Variants in PIAS1 observed in about 807,000 individuals in gnomAD.
PIAS1 encodes the protein protein inhibitor of activated STAT 1.
Under a neutral mutation model 71.3 loss-of-function variants are expected in PIAS1, and 6 were observed. That is an observed-to-expected ratio of 0.08 (90% CI 0.05 to 0.17). The LOEUF is 0.17. PIAS1 is among the 10% of genes least tolerant of loss of function. The pLI is 1.00. For missense variants in PIAS1, 555 were observed against 793.6 expected (o/e 0.70, Z 3.61); for synonymous variants, 303 against 292.9 (o/e 1.03, Z -0.35).
At chr15:68,159,666 G>GTAC (rs1276933838) in intron 7 of PIAS1, among the ~76,000 whole-genome samples, 8 of 152,048 alleles carry the variant, frequency 5.3e-5, no homozygotes, top group Non-Finnish European at 1.2e-4. Flanking sequence ...TTTCATTTAT[G>GTAC]TACTATAATT....
rs567041899 is a variant in PIAS1, at chr15:68,081,906, T to TA, written c.25-4388dup. 1.0e-3 allele frequency among the ~76,000 whole-genome samples: 143 copies of TA among 142,462 alleles called. No homozygotes were observed. In the South Asian group the frequency reaches 0.01, roughly 10 times the overall value. 93.5% of individuals were successfully genotyped at this position (142,462 alleles called of 152,430 possible). A position where few individuals can be genotyped will look rare whatever the true frequency, so the allele number is the denominator to read the frequency against. Reference sequence around the variant, plus strand: ...ATCGACAGTTATCAGTTTATGCAATTAAAAAAAAAAAAGACCAACCCCAAG... The same window carrying TA: ...ATCGACAGTTATCAGTTTATGCAATTAAAAAAAAAAAAAGACCAACCCCAAG... On this transcript the variant is annotated intron_variant, in intron 1 of 13. Transcript: ENST00000249636.
Position 68,192,308 on chromosome 15 carries a change from G to A in PIAS1, c.*4473G>A, listed in dbSNP as rs1047860077. The A allele has an allele frequency of 6.6e-6, 1 of 152,184 alleles. No individual in the cohort carries two copies. Among genetic ancestry groups the A allele is most frequent in the African/African-American group, 2.4e-5 (1 of 41,436 alleles). 9.4% of individuals were successfully genotyped at this position (152,184 alleles called of 1,614,324 possible). A position where few individuals can be genotyped will look rare whatever the true frequency, so the allele number is the denominator to read the frequency against. On this transcript the variant is annotated 3_prime_UTR_variant, in exon 14 of 14. Transcript: ENST00000249636. ...CTGGTGGATTTACCATGAAGGTAAT[G>A]AAGTTTAAGCACCAGGACCCTTCAC...
chr15:68,105,361 T>C (rs1051660735), intron 2 of PIAS1, among the ~76,000 whole-genome samples: 2 of 152,172 alleles, frequency 1.3e-5, no homozygotes, highest in African/African-American at 4.8e-5. Flanking sequence ...AATTTCCTTA[T>C]GCCTGTGTAG....
intron 1 of PIAS1, among the ~76,000 whole-genome samples, chr15:68,078,343 T>A (rs944873496): frequency 5.3e-5 from 8 of 152,214 alleles, no homozygotes; most frequent in Non-Finnish European, 1.0e-4. Flanking sequence ...TACATGTAGA[T>A]AAATCCTGCG....
At chr15:68,095,166 A>G (rs545182427) in intron 2 of PIAS1, among the ~76,000 whole-genome samples, 7 of 152,326 alleles carry the variant, frequency 4.6e-5, no homozygotes, top group African/African-American at 1.7e-4. Context: ...TTAGGGTCAG[A>G]AGTAAGTACA....
Position 68,187,736 on chromosome 15 carries a change from C to T in PIAS1, c.1857C>T (p.Asn619=), listed in dbSNP as rs374648523. 6.2e-7 allele frequency: 1 copy of T among 1,613,880 alleles called. No homozygotes were observed. Among genetic ancestry groups the T allele is most frequent in the Non-Finnish European group, 8.5e-7 (1 of 1,179,886 alleles). Residue 619 remains asparagine, a synonymous_variant, in exon 14 of 14, where the codon AAC becomes AAT. Coordinates refer to ENST00000249636, the MANE Select transcript of PIAS1 (RefSeq NM_016166.3). This position sits in a 1 kb window ranked among gnomAD's most constrained non-coding sequence, Gnocchi z 5.3. The part of the protein sequence containing the change: ...SGSNSSLVSS[N]SLRESHSHTV... Reference sequence around the variant, plus strand: ...GTAACAGCAGCCTGGTTTCTTCCAACAGCCTAAGGGAAAGCCATAGCCACA... The same window carrying T: ...GTAACAGCAGCCTGGTTTCTTCCAATAGCCTAAGGGAAAGCCATAGCCACA...
At chr15:68,097,681 C>T (rs150869969) in intron 2 of PIAS1, among the ~76,000 whole-genome samples, 4 of 152,304 alleles carry the variant, frequency 2.6e-5, no homozygotes, top group Non-Finnish European at 4.4e-5. Flanking sequence ...GATCTACCTG[C>T]CTCGGCCTCC....
At chr15:68,109,769 T>C (rs555422347) in intron 2 of PIAS1, among the ~76,000 whole-genome samples, 1 of 152,364 alleles carries the variant, frequency 6.6e-6, no homozygotes, top group South Asian at 2.1e-4. Context: ...GTTGGTCATA[T>C]GTTCCAAGTC....
intron 7 of PIAS1, among the ~76,000 whole-genome samples, chr15:68,162,600 C>T (rs541851759): frequency 6.7e-4 from 102 of 152,204 alleles, no homozygotes; most frequent in South Asian, 1.9e-3. Context: ...GGAGAACCAG[C>T]GAAGCCAGTA....
intron 1 of PIAS1, among the ~76,000 whole-genome samples, chr15:68,060,465 T>A (rs749108252): frequency 6.6e-6 from 1 of 151,846 alleles, no homozygotes; most frequent in Non-Finnish European, 1.5e-5. Context: ...ATACAAAAAT[T>A]AGCCGGGCGT....
intron 6 of PIAS1, 25 bp downstream of exon 6, chr15:68,146,725 G>T (rs1484616332): frequency 2.5e-6 from 4 of 1,586,632 alleles, no homozygotes; most frequent in Non-Finnish European, 3.5e-6. Flanking sequence ...GTTTCTACCA[G>T]ATTTTTGTAT....
rs764014692 is a variant in PIAS1, at chr15:68,145,885, T to C, written c.672T>C (p.Asn224=). The change falls in exon 5 of 14, where the codon AAT becomes AAC. Residue 224 remains asparagine, a synonymous_variant. Coordinates refer to ENST00000249636, the MANE Select transcript of PIAS1 (RefSeq NM_016166.3). ...HFPPNLCVKV[N]TKPCSLPGYL... ...CACCCAATCTTTGTGTGAAAGTGAA[T>C]ACAAAACCTTGCAGCCTTCCAGTAA... 3 of 1,609,666 alleles carry C rather than the reference T, an allele frequency of 1.9e-6. No individual in the cohort carries two copies. The highest frequency in any genetic ancestry group is 1.1e-5 in the South Asian group (1 of 90,972).
chr15:68,160,401 A>G (rs2092917157), intron 7 of PIAS1, among the ~76,000 whole-genome samples: 1 of 152,140 alleles, frequency 6.6e-6, no homozygotes, highest in Non-Finnish European at 1.5e-5. Flanking sequence ...TGGCACCTTT[A>G]TCAAAAACCA....
At chr15:68,176,119 T>C (rs956367583) in intron 10 of PIAS1, among the ~76,000 whole-genome samples, 18 of 152,142 alleles carry the variant, frequency 1.2e-4, no homozygotes, top group African/African-American at 4.1e-4. Context: ...TAGTATGTTT[T>C]TGCTGTAAAG....
chr15:68,132,034 C>CT (rs1555429557), intron 2 of PIAS1, among the ~76,000 whole-genome samples: 3 of 91,658 alleles, frequency 3.3e-5, no homozygotes, highest in South Asian at 5.0e-4. Flanking sequence ...AAAACCTCCT[C>CT]TAAAAAAAAA....
chr15:68,104,834 A>G (rs1326097161), intron 2 of PIAS1, among the ~76,000 whole-genome samples: 5 of 152,340 alleles, frequency 3.3e-5, no homozygotes, highest in East Asian at 3.9e-4. Context: ...CAAAGTTTAC[A>G]TAAGGGTCTC....
At chr15:68,152,142 G>T in intron 6 of PIAS1, among the ~76,000 whole-genome samples, 1 of 151,258 alleles carries the variant, frequency 6.6e-6, no homozygotes. Flanking sequence ...GTAGAGACGG[G>T]GTTTTACCAC....
At chr15:68,055,136 C>G in intron 1 of PIAS1, 2 of 919,934 alleles carry the variant, frequency 2.2e-6, no homozygotes, top group Non-Finnish European at 1.3e-6. Context: ...ATGCAGCTAC[C>G]TCTCTCCCTT....
chr15:68,129,794 TACACACACACACACACACAC>T (rs67860159), intron 2 of PIAS1, among the ~76,000 whole-genome samples: 9 of 145,092 alleles, frequency 6.2e-5, no homozygotes, highest in East Asian at 2.0e-4. Context: ...TAATTGTATT[TACACACACACACACACACAC>T]ACACACACAC....
Sources: allele counts gnomAD v4.1 joint callset (sites outside exome capture counted in the v4.1 genomes callset), GRCh38; gene constraint gnomAD v4.1.1; non-coding constraint Gnocchi (gnomAD v3.1); transcripts MANE v1.5; gene names NCBI Gene and HGNC (gene_info 2026-07-23, HGNC 2026-07-21).